Variants in MYO1B observed in about 807,000 individuals in gnomAD.
MYO1B encodes myosin IB, also known as unconventional myosin-Ib.
In MYO1B, 72 loss-of-function variants were observed where a neutral mutation model predicts 159.7. The observed-to-expected ratio is 0.45, with a 90% CI of 0.37 to 0.55. MYO1B has a LOEUF of 0.55. MYO1B is among the 20% of genes least tolerant of loss of function. The probability of loss-of-function intolerance (pLI) is 0.00; values close to 1 mark genes in which losing one functional copy is unlikely to be tolerated. For synonymous variants in MYO1B, 468 were observed against 473.8 expected (o/e 0.99, Z 0.16); for missense variants, 1,062 against 1,364.8 (o/e 0.78, Z 3.50).
chr2:191,416,815 G>GA (rs929546326), intron 30 of MYO1B, among the ~76,000 whole-genome samples: 43 of 143,472 alleles, frequency 3.0e-4, no homozygotes, highest in South Asian at 6.6e-4. Context: ...CTCCGTCTCA[G>GA]AAAAAAAAAA....
Position 191,358,942 on chromosome 2 carries a change from C to T in MYO1B, c.563-1689C>T, listed in dbSNP as rs73981593. ...CACATAGTGCGTTAGCAGTAGATGA[C>T]CTGTTTGAAGGAATTCGTGCATGAA... On this transcript the variant is annotated intron_variant, in intron 7 of 30. Transcript: ENST00000392318. 8.9e-3 allele frequency among the ~76,000 whole-genome samples: 1,362 copies of T among 152,292 alleles called. 22 individuals are homozygous for T. The highest frequency in any genetic ancestry group is 0.031 in the African/African-American group (1,297 of 41,536).
chr2:191,295,936 A>G (rs1202596960), intron 2 of MYO1B, among the ~76,000 whole-genome samples, 175 bp from the exon 3 acceptor site: 2 of 152,200 alleles, frequency 1.3e-5, no homozygotes, highest in Non-Finnish European at 2.9e-5. Flanking sequence ...CTAAATAGAC[A>G]TTGTTGACCA....
At chr2:191,321,726 C>T (rs987700389) in intron 3 of MYO1B, among the ~76,000 whole-genome samples, 3 of 152,170 alleles carry the variant, frequency 2.0e-5, no homozygotes, top group Admixed American at 1.3e-4. Context: ...TGACATGCGT[C>T]TCTCAGTAAA....
chr2:191,272,013 A>G (rs1412190713), intron 1 of MYO1B, among the ~76,000 whole-genome samples: 1 of 152,220 alleles, frequency 6.6e-6, no homozygotes, highest in Non-Finnish European at 1.5e-5. Context: ...TTTATGCTGC[A>G]TTCTCTTGGA....
At chr2:191,287,479 A>G (rs1052379361) in intron 2 of MYO1B, among the ~76,000 whole-genome samples, 7 of 151,846 alleles carry the variant, frequency 4.6e-5, no homozygotes, top group African/African-American at 1.5e-4. Flanking sequence ...GCAGTGAGCC[A>G]AGATCGCGCC....
intron 30 of MYO1B, among the ~76,000 whole-genome samples, chr2:191,420,539 C>T (rs1228838365): frequency 2.0e-5 from 3 of 152,192 alleles, no homozygotes; most frequent in South Asian, 2.1e-4. Flanking sequence ...TACAATAACA[C>T]GCTGTAGCAT....
At chr2:191,390,555 T>G in intron 18 of MYO1B, 63 bp downstream of exon 18, 1 of 1,510,982 alleles carries the variant, frequency 6.6e-7, no homozygotes. Context: ...ATACGGTGTT[T>G]TTTCACATGC....
chr2:191,249,403 C>T (rs1199267520), intron 1 of MYO1B, among the ~76,000 whole-genome samples: 2 of 152,198 alleles, frequency 1.3e-5, no homozygotes, highest in African/African-American at 4.8e-5. Context: ...TTACAGTATC[C>T]TCTGAGATCA....
At chr2:191,418,246 T>A (rs913393733) in intron 30 of MYO1B, among the ~76,000 whole-genome samples, 1 of 152,164 alleles carries the variant, frequency 6.6e-6, no homozygotes, top group African/African-American at 2.4e-5. Context: ...AACGAAAATG[T>A]CCAAAGTCAT....
chr2:191,299,325 A>G (rs1689166107), intron 3 of MYO1B, among the ~76,000 whole-genome samples: 1 of 152,240 alleles, frequency 6.6e-6, no homozygotes, highest in South Asian at 2.1e-4. Flanking sequence ...CCTACAAAGC[A>G]CTACGTGGTG....
intron 1 of MYO1B, among the ~76,000 whole-genome samples, chr2:191,274,472 ACCCCAGGGCAGAGTTCCTCTTTGCT>A (rs1687634725): frequency 6.6e-6 from 1 of 152,124 alleles, no homozygotes; most frequent in Non-Finnish European, 1.5e-5. Flanking sequence ...ACAGGAATCC[ACCCCAGGGCAGAGTTCCTCTTTGCT>A]TAATTTAAAT....
At chr2:191,357,363 C>A (rs756987222) in intron 7 of MYO1B, among the ~76,000 whole-genome samples, 3 of 152,086 alleles carry the variant, frequency 2.0e-5, no homozygotes, top group East Asian at 1.9e-4. Flanking sequence ...TGTCGATAGT[C>A]GGGTGGCGGC....
rs1274235809 is a variant in MYO1B, at chr2:191,424,390, T to TTTTTGG, written c.*435_*436insGTTTTG. On this transcript the variant is annotated 3_prime_UTR_variant, in exon 31 of 31. Transcript: ENST00000392318. The stretch of plus-strand genomic sequence containing the variant: ...TGAAAACTTATTAGGAACCTTTTTG[T>TTTTTGG]TTTTGAGACCATTGCATTCTGGCTG... The TTTTTGG allele has an allele frequency of 6.5e-6, 1 of 154,936 alleles. No individual in the cohort carries two copies. The highest frequency in any genetic ancestry group is 2.4e-5 in the African/African-American group (1 of 41,518). 9.6% of individuals were successfully genotyped at this position (154,936 alleles called of 1,614,324 possible). A position where few individuals can be genotyped will look rare whatever the true frequency, so the allele number is the denominator to read the frequency against.
Position 191,347,737 on chromosome 2 carries a change from T to G in MYO1B, c.498+1455T>G, listed in dbSNP as rs151086509. ...AGTTTTTAGCAGTTTCTCTGCTTTG[T>G]GGTCTGTGACTTGACTAGTAATATA... On this transcript the variant is annotated intron_variant, in intron 6 of 30. Transcript: ENST00000392318. Among the ~76,000 whole-genome samples the G allele has an allele frequency of 2.6e-3, 398 of 152,354 alleles. 3 individuals are homozygous for G. The highest frequency in any genetic ancestry group is 7.2e-3 in the African/African-American group (300 of 41,572).
At chr2:191,413,732 A>G (rs1697390591) in intron 27 of MYO1B, among the ~76,000 whole-genome samples, 1 of 152,220 alleles carries the variant, frequency 6.6e-6, no homozygotes, top group Non-Finnish European at 1.5e-5. Context: ...CTTTTCCTTC[A>G]CATGAGGCCA....
intron 2 of MYO1B, among the ~76,000 whole-genome samples, chr2:191,282,362 A>G (rs1389307422): frequency 6.6e-6 from 1 of 151,900 alleles, no homozygotes; most frequent in Non-Finnish European, 1.5e-5. Context: ...TGAGGCTTGA[A>G]CCTTTTGCAG....
intron 3 of MYO1B, among the ~76,000 whole-genome samples, chr2:191,317,643 A>T (rs549541797): frequency 1.3e-5 from 2 of 152,058 alleles, no homozygotes; most frequent in Non-Finnish European, 2.9e-5. Flanking sequence ...TCCACCCCAC[A>T]TTTTGACTTT....
intron 3 of MYO1B, among the ~76,000 whole-genome samples, chr2:191,298,284 A>G (rs1689103858): frequency 6.6e-6 from 1 of 152,252 alleles, no homozygotes; most frequent in African/African-American, 2.4e-5. Flanking sequence ...AGAAGTAGAT[A>G]TTGCAAGTGT....
At chr2:191,388,176 TG>T (rs1695511796) in intron 17 of MYO1B, 1 of 150,220 alleles carries the variant, frequency 6.7e-6, no homozygotes, top group South Asian at 2.1e-4. Context: ...CCCAACTACT[TG>T]GGAGGCTGAG....
Sources: gnomAD v4.1 joint callset for allele counts (sites outside exome capture counted in the v4.1 genomes callset) on GRCh38, gnomAD v4.1.1 for gene constraint, MANE v1.5 for transcripts, NCBI Gene and HGNC (gene_info 2026-07-23, HGNC 2026-07-21) for gene names.